Variants in TMEM120B observed in about 807,000 individuals in gnomAD.
TMEM120B encodes transmembrane protein 120B.
Under a neutral mutation model 55.5 loss-of-function variants are expected in TMEM120B, and 31 were observed. That is an observed-to-expected ratio of 0.56 (90% CI 0.42 to 0.75). The LOEUF (loss-of-function observed/expected upper bound fraction) is 0.75, where lower values mean the gene tolerates loss of function less well. TMEM120B is among the 30% of genes least tolerant of loss of function. The probability of loss-of-function intolerance (pLI) is 0.00; values close to 1 mark genes in which losing one functional copy is unlikely to be tolerated. For missense variants in TMEM120B, 399 were observed against 425.5 expected, an observed-to-expected ratio of 0.94 and a Z score of 0.55; for synonymous variants, 203 against 176.3, an observed-to-expected ratio of 1.15 and a Z score of -1.20.
At chr12:121,731,102 A>G (rs574304243) in intron 1 of TMEM120B, among the ~76,000 whole-genome samples, 7 of 152,290 alleles carry the variant, frequency 4.6e-5, no homozygotes, top group Non-Finnish European at 8.8e-5. Context: ...TGATGGGTTC[A>G]TAGTTTCTGT....
rs1252907887 is a variant in TMEM120B at position 121,775,574 on chromosome 12, G to A, written c.907-35G>A. ...GGGGCAGGGGTTCAGCAGGGCAGAT[G>A]CCCCAGCCTCGCCCTCCTCTCTGGA... On this transcript the variant is annotated intron_variant, in intron 11 of 11. Transcript: ENST00000449592. The surrounding 1 kb of genome is among the most constrained non-coding windows in gnomAD (Gnocchi z 4.3). 1.9e-6 allele frequency: 3 copies of A among 1,594,316 alleles called. No individual in the cohort carries two copies. The highest frequency in any genetic ancestry group is 2.6e-6 in the Non-Finnish European group (3 of 1,168,158).
At position 121,768,815 on chromosome 12, in the gene TMEM120B, G is replaced by T. The variant is rs191194305; in HGVS notation, c.552-2092G>T. ...AGGCTGCCCCTGATGCTGGGGGTGG[G>T]GGGTGACAACCAGGCTCTACCCAAC... On this transcript the variant is annotated intron_variant, in intron 6 of 11. Coordinates refer to ENST00000449592, the MANE Select transcript of TMEM120B (RefSeq NM_001080825.2). Among the ~76,000 whole-genome samples, 846 of 152,226 alleles carry T rather than the reference G, an allele frequency of 5.6e-3. 3 individuals are homozygous for T. Among genetic ancestry groups the T allele is most frequent in the Non-Finnish European group, 9.4e-3 (638 of 68,026 alleles).
At position 121,727,031 on chromosome 12, in the gene TMEM120B, C is replaced by G. The variant is rs979444614; in HGVS notation, c.69+14067C>G. On this transcript the variant is annotated intron_variant, in intron 1 of 11. Coordinates refer to ENST00000449592, the MANE Select transcript of TMEM120B (RefSeq NM_001080825.2). ...TGGGCAACATGGCAAACACCCATCT[C>G]TACTACAAATACAAAAATTAGTCAG... 2.0e-5 allele frequency among the ~76,000 whole-genome samples: 3 copies of G among 151,324 alleles called. No individual in the cohort carries two copies. In the South Asian group the frequency reaches 6.3e-4, roughly 32 times the overall value.
intron 1 of TMEM120B, among the ~76,000 whole-genome samples, chr12:121,728,425 C>G (rs925680397): frequency 6.6e-6 from 1 of 151,114 alleles, no homozygotes; most frequent in African/African-American, 2.4e-5. Context: ...GGAGATGGAG[C>G]TTGCAGTGAG....
Position 121,781,881 on chromosome 12 carries a change from T to C in TMEM120B, c.*6159T>C, listed in dbSNP as rs9165. On this transcript the variant is annotated 3_prime_UTR_variant, in exon 12 of 12. Transcript: ENST00000449592. ...ACCCAGATTCACAGAGCACACTCCC[T>C]GGGGGGATACTTTAATCCGGAGGCC... 0.6 allele frequency: 91,032 copies of C among 152,186 alleles called. 28,257 individuals carry two copies. Among genetic ancestry groups the C allele is most frequent in the Middle Eastern group, 0.72 (212 of 296 alleles). 9.4% of individuals were successfully genotyped at this position (152,186 alleles called of 1,614,324 possible).
rs185697059 is a variant in TMEM120B, at chr12:121,780,514, G to C, written c.*4792G>C. ...CTTTCAAACAAGGCAGACAGGACAC[G>C]ACAGGACGGCGGCTCATAGCACAGA... is the stretch of plus-strand genomic sequence containing the variant. On this transcript the variant is annotated 3_prime_UTR_variant, in exon 12 of 12. Transcript: ENST00000449592. 4.3e-5 allele frequency: 18 copies of C among 418,004 alleles called. No homozygotes were observed. Among genetic ancestry groups the C allele is most frequent in the Non-Finnish European group, 6.8e-5 (16 of 234,058 alleles). 25.9% of individuals were successfully genotyped at this position (418,004 alleles called of 1,614,324 possible). A position where few individuals can be genotyped will look rare whatever the true frequency, so the allele number is the denominator to read the frequency against.
In TMEM120B at chr12:121,722,191, C is replaced by T. The variant is rs188676961; in HGVS notation, c.69+9227C>T. On this transcript the variant is annotated intron_variant, in intron 1 of 11. Transcript: ENST00000449592. ...TCGGCTCACTGCAACCTCTGCCTCC[C>T]GGGTTCAAGCGATTCTTCTGCCTCA... Among the ~76,000 whole-genome samples the T allele has an allele frequency of 2.2e-3, 339 of 151,790 alleles. 2 individuals are homozygous for T. The highest frequency in any genetic ancestry group is 7.6e-3 in the African/African-American group (314 of 41,418).
intron 4 of TMEM120B, among the ~76,000 whole-genome samples, chr12:121,751,002 A>ACACC (rs1566517402): frequency 1.9e-5 from 1 of 52,782 alleles, no homozygotes; most frequent in Non-Finnish European, 3.4e-5. Flanking sequence ...CCCACACCCC[A>ACACC]TATTCACACC....
chr12:121,719,288 G>C (rs895115803), intron 1 of TMEM120B, among the ~76,000 whole-genome samples: 3 of 152,096 alleles, frequency 2.0e-5, no homozygotes, highest in African/African-American at 7.2e-5. Flanking sequence ...GCACCTTTTG[G>C]GGGGCTAATA....
At chr12:121,726,907 CAAA>C (rs71305665) in intron 1 of TMEM120B, among the ~76,000 whole-genome samples, 2 of 73,714 alleles carry the variant, frequency 2.7e-5, no homozygotes, top group Non-Finnish European at 5.7e-5. Flanking sequence ...GACTCTGTCT[CAAA>C]AAAAAAAAAA....
At chr12:121,713,044 C>T (rs1032177702) in intron 1 of TMEM120B, 80 bp downstream of exon 1, 6 of 1,262,634 alleles carry the variant, frequency 4.8e-6, no homozygotes, top group Admixed American at 3.4e-5. Flanking sequence ...CCGGCCCGGG[C>T]GGTGGGGACA....
In TMEM120B at chr12:121,753,359, A is replaced by G. The variant is rs188382788; in HGVS notation, c.461+1136A>G. On this transcript the variant is annotated intron_variant, in intron 5 of 11. Coordinates refer to ENST00000449592, the MANE Select transcript of TMEM120B (RefSeq NM_001080825.2). ...GGGTACAAGGTTTTTTTTTAGAGTAATAAGAATGTTCTCCCAGCCTGGGCA... is the reference window on the plus strand; with the variant it reads ...GGGTACAAGGTTTTTTTTTAGAGTAGTAAGAATGTTCTCCCAGCCTGGGCA... Among the ~76,000 whole-genome samples the G allele has an allele frequency of 2.0e-3, 300 of 152,124 alleles. 4 individuals carry two copies. The highest frequency in any genetic ancestry group is 6.9e-3 in the African/African-American group (285 of 41,506).
chr12:121,730,658 A>C (rs1894982676), intron 1 of TMEM120B, among the ~76,000 whole-genome samples: 1 of 149,650 alleles, frequency 6.7e-6, no homozygotes, highest in Non-Finnish European at 1.5e-5. Flanking sequence ...AAAAAAAAAA[A>C]AAAAACAAAC....
chr12:121,743,682 G>A lies in TMEM120B; in HGVS notation c.123G>A (p.Thr41=), dbSNP rs372160057. 126 of 1,613,514 alleles carry A rather than the reference G, an allele frequency of 7.8e-5. 1 individual carries two copies. The highest frequency in any genetic ancestry group is 9.2e-5 in the Non-Finnish European group (109 of 1,179,994). ...TGGAGGAGCTGGCTGCGCTGCAGAC[G>A]CTGTGTAGCAGTTCCATCAGTAAGC... ...QKLEELAALQ[T]LCSSSISKQK... The change falls in exon 2 of 12, where the codon ACG becomes ACA. Residue 41 remains threonine (T), a synonymous_variant. Coordinates refer to ENST00000449592, the MANE Select transcript of TMEM120B (RefSeq NM_001080825.2).
intron 1 of TMEM120B, among the ~76,000 whole-genome samples, chr12:121,743,316 C>T (rs1446716480): frequency 1.3e-5 from 2 of 151,442 alleles, no homozygotes; most frequent in African/African-American, 4.9e-5. Flanking sequence ...TTTGGCAGGC[C>T]GAAGCGGGCA....
At chr12:121,725,299 A>C (rs1417853610) in intron 1 of TMEM120B, among the ~76,000 whole-genome samples, 2 of 152,174 alleles carry the variant, frequency 1.3e-5, no homozygotes, top group African/African-American at 4.8e-5. Flanking sequence ...GGAGTCAATC[A>C]TGTTTAATGT....
At chr12:121,736,966 A>C (rs1226126803) in intron 1 of TMEM120B, among the ~76,000 whole-genome samples, 1 of 152,114 alleles carries the variant, frequency 6.6e-6, no homozygotes, top group Non-Finnish European at 1.5e-5. Flanking sequence ...TCTATATAGC[A>C]TGGTTGCCTC....
At position 121,775,483 on chromosome 12, in the gene TMEM120B, C is replaced by T; in HGVS notation, c.907-126C>T. On this transcript the variant is annotated intron_variant, in intron 11 of 11. Coordinates refer to ENST00000449592, the MANE Select transcript of TMEM120B (RefSeq NM_001080825.2). This position sits in a 1 kb window ranked among gnomAD's most constrained non-coding sequence, Gnocchi z 4.3. ...TCCCCCAGGTCTCCTGAATCTCTGCCTTCGATGGCAAAACCCTGCAGTTTG... is the reference window on the plus strand; with the variant it reads ...TCCCCCAGGTCTCCTGAATCTCTGCTTTCGATGGCAAAACCCTGCAGTTTG... 6.9e-7 allele frequency: 1 copy of T among 1,456,498 alleles called. No individual in the cohort carries two copies. The highest frequency in any genetic ancestry group is 1.4e-5 in the African/African-American group (1 of 70,774). The allele number at this position is 1,456,498 out of a possible 1,614,324, so 90.2% of individuals were successfully genotyped here.
Position 121,781,770 on chromosome 12 carries a change from T to G in TMEM120B, c.*6048T>G, listed in dbSNP as rs1874466758. The stretch of plus-strand genomic sequence containing the variant: ...CAGCCTCCAGCTTCTCAGGTTCTGA[T>G]GCAGTCAGCTGAGTTCCCTGCCTAT... On this transcript the variant is annotated 3_prime_UTR_variant, in exon 12 of 12. Coordinates refer to ENST00000449592, the MANE Select transcript of TMEM120B (RefSeq NM_001080825.2). 6.5e-6 allele frequency: 1 copy of G among 154,472 alleles called. No individual in the cohort carries two copies. The highest frequency in any genetic ancestry group is 2.4e-5 in the African/African-American group (1 of 41,444). 9.6% of individuals were successfully genotyped at this position (154,472 alleles called of 1,614,324 possible). A position where few individuals can be genotyped will look rare whatever the true frequency, so the allele number is the denominator to read the frequency against.
Sources: gnomAD v4.1 joint callset for allele counts (sites outside exome capture counted in the v4.1 genomes callset) on GRCh38, gnomAD v4.1.1 for gene constraint, Gnocchi (gnomAD v3.1) non-coding constraint, MANE v1.5 for transcripts, NCBI Gene and HGNC (gene_info 2026-07-23, HGNC 2026-07-21) for gene names.